PALM2AKAP2: variants seen among roughly 807,000 people sequenced by gnomAD.
PALM2AKAP2 encodes the protein PALM2 and AKAP2 fusion, also known as PALM2-AKAP2 fusion protein.
A neutral mutation model predicts 71.5 loss-of-function variants in PALM2AKAP2; 37 were observed. The observed-to-expected ratio is 0.52, with a 90% confidence interval of 0.40 to 0.68. The LOEUF (loss-of-function observed/expected upper bound fraction) is 0.68, where lower values mean the gene tolerates loss of function less well. Ranked by LOEUF, PALM2AKAP2 falls within the 30% of genes least tolerant of loss-of-function variation. The pLI, the probability that PALM2AKAP2 is intolerant of heterozygous loss-of-function variation, is 0.00. For synonymous variants in PALM2AKAP2, 468 were observed against 478.8 expected (o/e 0.98, Z 0.29); for missense variants, 1,224 against 1,191.8 (o/e 1.03, Z -0.40).
At chr9:109,694,616 T>C (rs1377088500) in intron 1 of PALM2AKAP2, among the ~76,000 whole-genome samples, 2 of 152,100 alleles carry the variant, frequency 1.3e-5, no homozygotes, top group Non-Finnish European at 2.9e-5. Context: ...TTATCAGCTG[T>C]CTATTCATAT....
At chr9:110,026,542 T>A (rs566527039) in intron 7 of PALM2AKAP2, among the ~76,000 whole-genome samples, 108 of 152,344 alleles carry the variant, frequency 7.1e-4, no homozygotes, top group Non-Finnish European at 7.1e-4. Flanking sequence ...ACATTCAAAG[T>A]GTTCTGTAAC....
At chr9:109,715,707 T>C (rs2118620022) in intron 1 of PALM2AKAP2, among the ~76,000 whole-genome samples, 1 of 152,356 alleles carries the variant, frequency 6.6e-6, no homozygotes, top group South Asian at 2.1e-4. Context: ...TTTCTGGTGC[T>C]ATTTCCAGAG....
chr9:109,783,453 C>G (rs767535960), intron 1 of PALM2AKAP2, among the ~76,000 whole-genome samples: 8 of 152,010 alleles, frequency 5.3e-5, no homozygotes, highest in Non-Finnish European at 8.8e-5. Flanking sequence ...CATGTGCCAC[C>G]ATGCCCAGCT....
At chr9:109,697,497 A>T (rs922859643) in intron 1 of PALM2AKAP2, among the ~76,000 whole-genome samples, 3 of 152,178 alleles carry the variant, frequency 2.0e-5, no homozygotes, top group Admixed American at 6.5e-5. Context: ...CTGTTATATT[A>T]TTTCAACAGT....
intron 1 of PALM2AKAP2, among the ~76,000 whole-genome samples, chr9:109,695,676 A>G (rs1040593123): frequency 2.0e-5 from 3 of 152,304 alleles, no homozygotes; most frequent in African/African-American, 7.2e-5. Context: ...TATGGACGCA[A>G]TGGAATGTTA....
chr9:109,978,447 C>A (rs1031286187), intron 6 of PALM2AKAP2, among the ~76,000 whole-genome samples: 5 of 152,106 alleles, frequency 3.3e-5, no homozygotes, highest in Non-Finnish European at 5.9e-5. Flanking sequence ...TAATGGAATG[C>A]CCTAAGGTGG....
intron 1 of PALM2AKAP2, among the ~76,000 whole-genome samples, chr9:109,813,959 T>A (rs1338038388): frequency 1.3e-5 from 2 of 152,242 alleles, no homozygotes; most frequent in East Asian, 3.8e-4. Context: ...TCTTGCTGGT[T>A]CGCATGTGCT....
chr9:109,976,352 A>G (rs1832173520), intron 6 of PALM2AKAP2, among the ~76,000 whole-genome samples: 1 of 152,272 alleles, frequency 6.6e-6, no homozygotes, highest in African/African-American at 2.4e-5. Context: ...AAACTGAGGC[A>G]TAGAAAGGTG....
In PALM2AKAP2 at chr9:109,724,029, C is replaced by T. The variant is rs142819961; in HGVS notation, c.6-56459C>T. 8.0e-4 allele frequency among the ~76,000 whole-genome samples: 122 copies of T among 152,118 alleles called. 1 individual carries two copies. In the East Asian group the frequency reaches 0.02, roughly 26 times the overall value. ...GTCATACGTTCATTTCAGATAAGCACGTAATCAACTGGAAAACAAATGAAA... is the reference window on the plus strand; with the variant it reads ...GTCATACGTTCATTTCAGATAAGCATGTAATCAACTGGAAAACAAATGAAA... On this transcript the variant is annotated intron_variant, in intron 1 of 6. Transcript: ENST00000374531.
intron 1 of PALM2AKAP2, among the ~76,000 whole-genome samples, chr9:109,822,224 T>A (rs1353617368): frequency 1.3e-5 from 2 of 152,098 alleles, no homozygotes; most frequent in African/African-American, 2.4e-5. Flanking sequence ...GTCACTAGAT[T>A]TTTTTTCTCT....
chr9:109,973,004 A>G (rs904901741), intron 6 of PALM2AKAP2, among the ~76,000 whole-genome samples: 1 of 152,204 alleles, frequency 6.6e-6, no homozygotes, highest in African/African-American at 2.4e-5. Context: ...CTCAGTTAAT[A>G]TAGGCTATAA....
intron 1 of PALM2AKAP2, among the ~76,000 whole-genome samples, chr9:109,650,179 A>G (rs1827206397): frequency 6.6e-6 from 1 of 152,008 alleles, no homozygotes. Flanking sequence ...CAGCCCCTTC[A>G]CACAGATGTC....
intron 6 of PALM2AKAP2, among the ~76,000 whole-genome samples, chr9:110,000,603 G>T (rs1564253125): frequency 6.6e-6 from 1 of 152,118 alleles, no homozygotes; most frequent in Non-Finnish European, 1.5e-5. Context: ...CTTCCACAAT[G>T]GTTGAACTAG....
At chr9:110,119,407 T>TAA (rs1835437855) in intron 1 of PALM2AKAP2, among the ~76,000 whole-genome samples, 1 of 151,776 alleles carries the variant, frequency 6.6e-6, no homozygotes, top group Non-Finnish European at 1.5e-5. Context: ...AGGTTATTTC[T>TAA]AGTCTTTTAT....
chr9:109,963,843 C>T (rs1213203054), intron 6 of PALM2AKAP2, among the ~76,000 whole-genome samples: 1 of 152,164 alleles, frequency 6.6e-6, no homozygotes, highest in African/African-American at 2.4e-5. Flanking sequence ...AAGCAGTTTG[C>T]CTTGAAGGTA....
chr9:109,990,629 C>T (rs969506379), intron 6 of PALM2AKAP2, among the ~76,000 whole-genome samples: 1 of 152,208 alleles, frequency 6.6e-6, no homozygotes, highest in Non-Finnish European at 1.5e-5. Flanking sequence ...AAAAATTCAA[C>T]TCTCTGTCAA....
intron 3 of PALM2AKAP2, among the ~76,000 whole-genome samples, chr9:109,906,665 AT>A (rs1564204325): frequency 6.6e-6 from 1 of 152,186 alleles, no homozygotes; most frequent in Non-Finnish European, 1.5e-5. Flanking sequence ...TGGCTTCACC[AT>A]CCCTTGCTTG....
At chr9:109,695,212 G>A (rs1827952432) in intron 1 of PALM2AKAP2, among the ~76,000 whole-genome samples, 1 of 152,120 alleles carries the variant, frequency 6.6e-6, no homozygotes, top group Admixed American at 6.5e-5. Context: ...AATGCCATAA[G>A]CAAAGTCAAA....
chr9:109,746,993 G>C (rs1828813033), intron 1 of PALM2AKAP2, among the ~76,000 whole-genome samples: 1 of 152,236 alleles, frequency 6.6e-6, no homozygotes. Flanking sequence ...GACATGTCCA[G>C]TTGGATTGGA....
Sources: gnomAD v4.1 joint callset for allele counts (sites outside exome capture counted in the v4.1 genomes callset) on GRCh38, gnomAD v4.1.1 for gene constraint, MANE v1.5 for transcripts, NCBI Gene and HGNC (gene_info 2026-07-23, HGNC 2026-07-21) for gene names.